ADGRL2: variants seen among roughly 807,000 people sequenced by gnomAD.
The protein encoded by ADGRL2 is calcium-independent alpha-latrotoxin receptor 2.
ADGRL2 carries 44 observed loss-of-function variants against 157.4 expected under a neutral mutation model. That is an observed-to-expected ratio of 0.28 (90% CI 0.22 to 0.36). The LOEUF (loss-of-function observed/expected upper bound fraction) is 0.36, where lower values mean the gene tolerates loss of function less well. Ranked by LOEUF, ADGRL2 falls within the 10% of genes least tolerant of loss-of-function variation. The pLI, the probability that ADGRL2 is intolerant of heterozygous loss-of-function variation, is 1.00. For synonymous variants in ADGRL2, 585 were observed against 624.7 expected (o/e 0.94, Z 0.95); for missense variants, 1,510 against 1,768.9 (o/e 0.85, Z 2.63).
Position 81,638,791 on chromosome 1 carries a change from G to A in ADGRL2, c.-143+57811G>A, listed in dbSNP as rs77147398. Among the ~76,000 whole-genome samples, 653 of 152,236 alleles carry A rather than the reference G, an allele frequency of 4.3e-3. 3 individuals carry two copies. The highest frequency in any genetic ancestry group is 7.3e-3 in the Non-Finnish European group (494 of 67,996). On this transcript the variant is annotated intron_variant, in intron 3 of 24. Coordinates refer to the ADGRL2 transcript ENST00000370721. ...ACAAAAACAGGGGCACAGAACAAGG[G>A]CAGCAAGTAGAAAACTAACCTGAGC...
At chr1:81,851,219 G>A (rs924794680) in intron 2 of ADGRL2, among the ~76,000 whole-genome samples, 6 of 151,816 alleles carry the variant, frequency 4.0e-5, no homozygotes, top group Non-Finnish European at 5.9e-5. Context: ...AGGAGATTTT[G>A]ATAGTTGTTT....
chr1:81,604,408 C>T (rs1250575044), intron 3 of ADGRL2, among the ~76,000 whole-genome samples: 1 of 152,180 alleles, frequency 6.6e-6, no homozygotes, highest in African/African-American at 2.4e-5. Flanking sequence ...AGCTTGAAAA[C>T]CTCCCAGGTT....
intron 6 of ADGRL2, among the ~76,000 whole-genome samples, chr1:81,947,382 T>C (rs1005681832): frequency 4.6e-5 from 7 of 152,236 alleles, no homozygotes; most frequent in African/African-American, 1.2e-4. Flanking sequence ...GGTTACTTGT[T>C]GGATACCGTA....
At chr1:81,791,266 A>G (rs1050811319) in intron 2 of ADGRL2, among the ~76,000 whole-genome samples, 2 of 152,126 alleles carry the variant, frequency 1.3e-5, no homozygotes, top group Non-Finnish European at 2.9e-5. Flanking sequence ...TTGGTAGACC[A>G]GAGACTTTAC....
At chr1:81,402,559 A>C (rs2076776014) in intron 1 of ADGRL2, among the ~76,000 whole-genome samples, 1 of 152,196 alleles carries the variant, frequency 6.6e-6, no homozygotes, top group African/African-American at 2.4e-5. Flanking sequence ...AAGAGAATCA[A>C]CTCAAAACTG....
intron 3 of ADGRL2, among the ~76,000 whole-genome samples, chr1:81,604,692 A>G (rs17106806): frequency 0.18 from 27,452 of 152,068 alleles, 2,670 homozygotes; most frequent in East Asian, 0.34. Context: ...TTGAGAGTCC[A>G]GGTACCATGT....
chr1:81,384,914 A>G (rs1427854376), intron 1 of ADGRL2, among the ~76,000 whole-genome samples: 1 of 152,128 alleles, frequency 6.6e-6, no homozygotes, highest in African/African-American at 2.4e-5. Flanking sequence ...TACCTTCTCT[A>G]TTGATTGTTA....
At chr1:81,390,301 AT>A (rs2076514324) in intron 1 of ADGRL2, among the ~76,000 whole-genome samples, 2 of 152,300 alleles carry the variant, frequency 1.3e-5, no homozygotes, top group South Asian at 4.1e-4. Flanking sequence ...TAAAAGAGTT[AT>A]GAAAACTGTG....
chr1:81,815,598 T>G (rs1571387406), intron 1 of ADGRL2, among the ~76,000 whole-genome samples: 1 of 151,792 alleles, frequency 6.6e-6, no homozygotes, highest in Non-Finnish European at 1.5e-5. Flanking sequence ...TTTATTAGTA[T>G]TATTACTGCT....
rs397980625 is a variant in ADGRL2, at chr1:81,318,928, C to CTTTTTTTTT, written c.-302+12441_-302+12449dup. Among the ~76,000 whole-genome samples the CTTTTTTTTT allele has an allele frequency of 4.4e-4, 20 of 45,830 alleles. 3 individuals carry two copies. The highest frequency in any genetic ancestry group is 6.7e-4 in the African/African-American group (7 of 10,414). The allele number at this position is 45,830 out of a possible 152,430, so 30.1% of individuals were successfully genotyped here. ...TTTTATCCTCCATCCTCCATCAATTCTTTTTTTTTTTTTTTTTTTTTTTTT... is the reference window on the plus strand; with the variant it reads ...TTTTATCCTCCATCCTCCATCAATTCTTTTTTTTTTTTTTTTTTTTTTTTTTTTTTTTTT... On this transcript the variant is annotated intron_variant, in intron 1 of 24. Coordinates refer to the ADGRL2 transcript ENST00000370721.
At chr1:81,980,836 C>G (rs1661450783) in intron 18 of ADGRL2, 1 of 713,838 alleles carries the variant, frequency 1.4e-6, no homozygotes, top group Non-Finnish European at 2.6e-6. Flanking sequence ...ACGGACTTAC[C>G]TGGGTAAGGT....
At chr1:81,535,913 A>G (rs2079725296) in intron 2 of ADGRL2, among the ~76,000 whole-genome samples, 1 of 152,202 alleles carries the variant, frequency 6.6e-6, no homozygotes, top group African/African-American at 2.4e-5. Context: ...AAATGTCATC[A>G]TGGACATTCT....
At chr1:81,801,582 C>T (rs985706460) in intron 1 of ADGRL2, among the ~76,000 whole-genome samples, 1 of 152,208 alleles carries the variant, frequency 6.6e-6, no homozygotes, top group African/African-American at 2.4e-5. Context: ...CTTGCTTCCC[C>T]GAGCCCGAGT....
intron 3 of ADGRL2, among the ~76,000 whole-genome samples, chr1:81,670,986 A>G (rs2082863279): frequency 6.6e-6 from 1 of 152,210 alleles, no homozygotes; most frequent in Non-Finnish European, 1.5e-5. Context: ...CTGGGACTAC[A>G]GGCTTGAGCC....
At chr1:81,651,185 G>A (rs577861545) in intron 3 of ADGRL2, among the ~76,000 whole-genome samples, 1 of 152,174 alleles carries the variant, frequency 6.6e-6, no homozygotes, top group South Asian at 2.1e-4. Flanking sequence ...CTTGGAAATT[G>A]TTGGTCGTAG....
intron 3 of ADGRL2, among the ~76,000 whole-genome samples, chr1:81,643,560 T>G (rs1274652854): frequency 6.6e-6 from 1 of 152,148 alleles, no homozygotes; most frequent in Non-Finnish European, 1.5e-5. Context: ...CCTCCTGCCA[T>G]GGCTTCCCAA....
chr1:81,918,389 CAT>C (rs561825796), intron 3 of ADGRL2, among the ~76,000 whole-genome samples: 1 of 151,222 alleles, frequency 6.6e-6, no homozygotes, highest in Non-Finnish European at 1.5e-5. Context: ...TCATTCATTA[CAT>C]ATATATATAT....
intron 1 of ADGRL2, among the ~76,000 whole-genome samples, chr1:81,434,695 A>G (rs1296664261): frequency 6.6e-6 from 1 of 152,144 alleles, no homozygotes; most frequent in East Asian, 1.9e-4. Context: ...TAGAATGAGT[A>G]TCATCTCTCA....
At chr1:81,701,443 T>C (rs2083571901) in intron 1 of ADGRL2, among the ~76,000 whole-genome samples, 1 of 152,154 alleles carries the variant, frequency 6.6e-6, no homozygotes, top group African/African-American at 2.4e-5. Flanking sequence ...TCGAATCTAG[T>C]ATCTTGTAGT....
Sources: gnomAD v4.1 joint callset for allele counts (sites outside exome capture counted in the v4.1 genomes callset) on GRCh38, gnomAD v4.1.1 for gene constraint, MANE v1.5 for transcripts, NCBI Gene and HGNC (gene_info 2026-07-23, HGNC 2026-07-21) for gene names.